The following ATRNL1 variants were observed in gnomAD, a reference collection of about 807,000 sequenced individuals.
The protein encoded by ATRNL1 is attractin-like protein 1.
A neutral mutation model predicts 182.7 loss-of-function variants in ATRNL1; 95 were observed. The ratio of observed to expected loss-of-function variants is 0.52; its 90% CI spans 0.44 to 0.62. ATRNL1 has a LOEUF of 0.62. ATRNL1 is among the 20% of genes least tolerant of loss of function. ATRNL1 has a pLI of 0.00. For missense variants in ATRNL1, 1,471 were observed against 1,679.5 expected (o/e 0.88, Z 2.17); for synonymous variants, 576 against 568.3 (o/e 1.01, Z -0.19).
At chr10:115,774,568 G>C (rs1028160385) in intron 27 of ATRNL1, among the ~76,000 whole-genome samples, 1 of 151,996 alleles carries the variant, frequency 6.6e-6, no homozygotes, top group Non-Finnish European at 1.5e-5. Flanking sequence ...AACACTTCTG[G>C]GTAGAAGAAG....
At chr10:115,937,858 A>T (rs562952606) in intron 28 of ATRNL1, among the ~76,000 whole-genome samples, 1 of 152,362 alleles carries the variant, frequency 6.6e-6, no homozygotes, top group Admixed American at 6.5e-5. Flanking sequence ...ACATTTCGGC[A>T]GGGCAAACAG....
intron 24 of ATRNL1, among the ~76,000 whole-genome samples, chr10:115,488,370 A>G (rs1835674296): frequency 6.6e-6 from 1 of 152,122 alleles, no homozygotes; most frequent in Non-Finnish European, 1.5e-5. Context: ...TTTGGTTGGT[A>G]CGCTATTAAT....
intron 21 of ATRNL1, among the ~76,000 whole-genome samples, chr10:115,426,789 A>G (rs1554962996): frequency 6.6e-6 from 1 of 152,154 alleles, no homozygotes. Context: ...CAACGGCACA[A>G]TCTCAGTTCA....
intron 26 of ATRNL1, among the ~76,000 whole-genome samples, chr10:115,611,738 T>G (rs1555019051): frequency 6.6e-6 from 1 of 152,140 alleles, no homozygotes; most frequent in African/African-American, 2.4e-5. Context: ...TGAAACATAA[T>G]TTATAATTTA....
intron 19 of ATRNL1, among the ~76,000 whole-genome samples, chr10:115,384,034 G>C (rs910310751): frequency 1.4e-4 from 21 of 152,032 alleles, no homozygotes; most frequent in African/African-American, 4.8e-4. Context: ...CAATTTAACA[G>C]TACAGATCTT....
At chr10:115,487,096 A>G (rs893831410) in intron 24 of ATRNL1, among the ~76,000 whole-genome samples, 3 of 152,096 alleles carry the variant, frequency 2.0e-5, no homozygotes, top group Admixed American at 6.5e-5. Flanking sequence ...CCATTGGTCT[A>G]TATATCTGTT....
intron 25 of ATRNL1, among the ~76,000 whole-genome samples, chr10:115,534,858 A>C (rs1259706117): frequency 6.6e-6 from 1 of 150,996 alleles, no homozygotes; most frequent in Non-Finnish European, 1.5e-5. Context: ...TTTCTTCTTC[A>C]CTTATGAAGC....
chr10:115,522,155 G>A (rs910084980), intron 25 of ATRNL1, among the ~76,000 whole-genome samples: 2 of 152,122 alleles, frequency 1.3e-5, no homozygotes, highest in Admixed American at 6.5e-5. Flanking sequence ...ATCTTAAGTA[G>A]GTCACTATTT....
intron 26 of ATRNL1, among the ~76,000 whole-genome samples, chr10:115,604,074 T>C (rs1476784525): frequency 1.3e-5 from 2 of 152,194 alleles, no homozygotes; most frequent in Non-Finnish European, 2.9e-5. Flanking sequence ...CTATTGTTTT[T>C]TACTGACTTA....
At chr10:115,711,375 A>G (rs1947059312) in intron 26 of ATRNL1, among the ~76,000 whole-genome samples, 1 of 152,206 alleles carries the variant, frequency 6.6e-6, no homozygotes, top group African/African-American at 2.4e-5. Context: ...AAAGGAAGAG[A>G]GGCAGATTCA....
chr10:115,166,793 T>C (rs571825365), intron 7 of ATRNL1, among the ~76,000 whole-genome samples: 11 of 152,060 alleles, frequency 7.2e-5, no homozygotes, highest in Admixed American at 2.6e-4. Context: ...TATATTATGG[T>C]ATTAACACCT....
At chr10:115,546,199 T>C (rs1213419851) in intron 25 of ATRNL1, among the ~76,000 whole-genome samples, 2 of 152,152 alleles carry the variant, frequency 1.3e-5, no homozygotes, top group Non-Finnish European at 2.9e-5. Context: ...AAGGGTATGA[T>C]GGTCTGACTG....
rs71010046 is a variant in ATRNL1, at chr10:115,738,154, T to TTTTTTTTTTTC, written c.3903+10801_3903+10802insTTTTTTTTCTT. Reference sequence around the variant, plus strand: ...TTTTTTTTTTTTTTTTTTTTTTTTTTTTGAGATGGAGTCCTGCTCTGTCGC... The same window carrying TTTTTTTTTTTC: ...TTTTTTTTTTTTTTTTTTTTTTTTTTTTTTTTTTTTCTTGAGATGGAGTCCTGCTCTGTCGC... On this transcript the variant is annotated intron_variant, in intron 27 of 28. Coordinates refer to ENST00000355044, the MANE Select transcript of ATRNL1 (RefSeq NM_207303.4). 8.9e-4 allele frequency among the ~76,000 whole-genome samples: 57 copies of TTTTTTTTTTTC among 63,898 alleles called. 5 individuals carry two copies. Among genetic ancestry groups the TTTTTTTTTTTC allele is most frequent in the South Asian group, 1.4e-3 (2 of 1,476 alleles). 41.9% of individuals were successfully genotyped at this position (63,898 alleles called of 152,430 possible).
chr10:115,122,212 A>G (rs1047919049), intron 3 of ATRNL1, among the ~76,000 whole-genome samples: 1 of 151,772 alleles, frequency 6.6e-6, no homozygotes, highest in Non-Finnish European at 1.5e-5. Context: ...TAAATTCTGC[A>G]TAAAAGGGTT....
intron 28 of ATRNL1, among the ~76,000 whole-genome samples, chr10:115,849,930 A>G (rs1327355065): frequency 6.6e-6 from 1 of 152,196 alleles, no homozygotes; most frequent in Admixed American, 6.5e-5. Flanking sequence ...TACAGGGTTG[A>G]TAGAGCTAGA....
chr10:115,120,096 G>T, intron 1 of ATRNL1, 89 bp from the exon 2 acceptor site: 2 of 773,024 alleles, frequency 2.6e-6, no homozygotes, highest in Non-Finnish European at 4.3e-6. Context: ...CGTTCCTTTG[G>T]CTTAATGACT....
intron 20 of ATRNL1, among the ~76,000 whole-genome samples, chr10:115,408,951 C>T (rs972247652): frequency 1.3e-4 from 20 of 152,038 alleles, no homozygotes; most frequent in African/African-American, 4.1e-4. Context: ...ATGCCAGTAC[C>T]TGTCATTTTG....
In ATRNL1 at chr10:115,171,237, A is replaced by G. The variant is rs1847278741; in HGVS notation, c.1293A>G (p.Ile431Met). ...LDSRDVVMII[I>M]FGYSAIYGYT... ...GTAGAGATGTTGTCATGATCATAAT[A>G]TTTGGATATTCTGCAATATATGGTT... Residue 431 changes from isoleucine to methionine, a missense_variant, in exon 8 of 29, where the codon ATA becomes ATG. Transcript: ENST00000355044. 1 of 1,609,894 alleles carries G rather than the reference A, an allele frequency of 6.2e-7. No individual in the cohort carries two copies. The highest frequency in any genetic ancestry group is 1.1e-5 in the South Asian group (1 of 90,648).
At chr10:115,516,633 A>G (rs972964001) in intron 24 of ATRNL1, among the ~76,000 whole-genome samples, 19 of 151,788 alleles carry the variant, frequency 1.3e-4, no homozygotes, top group Admixed American at 2.0e-4. Context: ...GTCATGGCCA[A>G]CGACCTATGT....
Sources: gnomAD v4.1 joint callset for allele counts (sites outside exome capture counted in the v4.1 genomes callset) on GRCh38, gnomAD v4.1.1 for gene constraint, MANE v1.5 for transcripts, NCBI Gene and HGNC (gene_info 2026-07-23, HGNC 2026-07-21) for gene names.